The following SYDE2 variants were observed in gnomAD, a reference collection of about 807,000 sequenced individuals.
The protein encoded by SYDE2 is synapse defective Rho GTPase homolog 2, also known as rho GTPase-activating protein SYDE2.
Under a neutral mutation model 91.5 loss-of-function variants are expected in SYDE2, and 76 were observed. The ratio of observed to expected loss-of-function variants is 0.83; its 90% confidence interval spans 0.69 to 1.01. SYDE2 has a LOEUF of 1.01. Among genes scored for constraint, SYDE2 ranks in the 50% least tolerant of loss-of-function variants. The pLI is 0.00. For missense variants in SYDE2, 1,364 were observed against 1,367.7 expected (o/e 1.00, Z 0.04); for synonymous variants, 513 against 506.4 (o/e 1.01, Z -0.18).
chr1:85,180,275 T>A (rs1657861202), intron 3 of SYDE2, among the ~76,000 whole-genome samples: 1 of 152,032 alleles, frequency 6.6e-6, no homozygotes, highest in African/African-American at 2.4e-5. Context: ...AAACAAAATT[T>A]AAGCAGTATG....
intron 4 of SYDE2, among the ~76,000 whole-genome samples, chr1:85,173,632 C>T (rs569866037): frequency 1.4e-4 from 21 of 152,184 alleles, no homozygotes; most frequent in African/African-American, 3.9e-4. Flanking sequence ...TTGCAAGTAA[C>T]GTACTTGCAT....
Position 85,158,551 on chromosome 1 carries a change from A to G in SYDE2, c.*199T>C, listed in dbSNP as rs925684807. On this transcript the variant is annotated 3_prime_UTR_variant, in exon 7 of 7. Transcript: ENST00000341460. ...ATCCCAAGAAGTCCAAGTTTTATTG[A>G]TCCCCAGAAAAGTTTTCTAGTGAGA... 1 of 473,144 alleles carries G rather than the reference A, an allele frequency of 2.1e-6. No homozygotes were observed. The highest frequency in any genetic ancestry group is 2.0e-5 in the African/African-American group (1 of 48,848). The allele number at this position is 473,144 out of a possible 1,614,324, so 29.3% of individuals were successfully genotyped here.
rs774676939 is a variant in SYDE2, at chr1:85,182,307, C to T, written c.2335G>A (p.Ala779Thr). The T allele has an allele frequency of 1.2e-6, 2 of 1,613,662 alleles. No individual in the cohort carries two copies. The highest frequency in any genetic ancestry group is 2.7e-5 in the African/African-American group (2 of 74,916). The change falls in exon 3 of 7, where the codon GCT (alanine) becomes ACT (threonine). Residue 779 changes from alanine to threonine, a missense_variant. Transcript: ENST00000341460. ...LFRVTKTHQLAVKLEPRGLIY... is the reference protein window; with the variant it reads ...LFRVTKTHQLTVKLEPRGLIY... ...AGACCTCTAGGTTCAAGTTTGACAG[C>T]CAACTGATGAGTCTTTGTCACTCTA... is the stretch of plus-strand genomic sequence containing the variant.
In SYDE2 at chr1:85,190,612, G is replaced by T. The variant is rs968294444; in HGVS notation, c.886C>A (p.Leu296Met). 6.2e-7 allele frequency: 1 copy of T among 1,613,818 alleles called. No individual in the cohort carries two copies. Among genetic ancestry groups the T allele is most frequent in the Non-Finnish European group, 8.5e-7 (1 of 1,179,888 alleles). ...KKRNWLYQSTLRPLNLEEENK... is the reference protein window; with the variant it reads ...KKRNWLYQSTMRPLNLEEENK... ...TCTTCTTCCAGATTAAGAGGCCTCA[G>T]AGTACTCTGATATAGCCAATTGCGT... Residue 296 changes from leucine (L) to methionine (M), a missense_variant, in exon 2 of 7, where the codon CTG (leucine) becomes ATG (methionine). Leu to Met is a conservative substitution (Grantham distance 15). Transcript: ENST00000341460.
rs41289745 is a variant in SYDE2, at chr1:85,182,222, A to G, written c.2420T>C (p.Ile807Thr). ...TCCAAATATTATTGGTTCTTGGTTT[A>G]TATCTAGTCCATGAAGAGAATTCTC... ...QWENSLHGLD[I>T]NQEPIIFGVD... The change falls in exon 3 of 7, where the codon ATA becomes ACA. Residue 807 changes from isoleucine to threonine, a missense_variant. Physicochemically the swap from Ile to Thr is moderately conservative, Grantham distance 89 (BLOSUM62 -1). Transcript: ENST00000341460. The G allele has an allele frequency of 3.6e-3, 5,868 of 1,610,062 alleles. 20 individuals carry two copies. The highest frequency in any genetic ancestry group is 4.6e-3 in the Non-Finnish European group (5,387 of 1,178,424).
At chr1:85,155,062 G>GA (rs150467183), downstream of SYDE2, among the ~76,000 whole-genome samples, 10,470 of 116,262 alleles carry the variant, frequency 0.09, 436 homozygotes, top group Middle Eastern at 0.14. Context: ...AGAAAAGAAA[G>GA]AAAAAAAAAA....
At chr1:85,191,030 C>T (rs1658346082) in intron 1 of SYDE2, among the ~76,000 whole-genome samples, 1 of 151,780 alleles carries the variant, frequency 6.6e-6, no homozygotes, top group African/African-American at 2.4e-5. Context: ...GCTAACAAAG[C>T]CTTACCCTAA....
intron 1 of SYDE2, chr1:85,200,042 G>C: frequency 1.5e-6 from 1 of 653,352 alleles, no homozygotes; most frequent in Non-Finnish European, 1.9e-6. Context: ...GCCATTGTCT[G>C]ATTAAAAAGA....
At chr1:85,166,285 G>A (rs571321974) in intron 5 of SYDE2, among the ~76,000 whole-genome samples, 1 of 150,992 alleles carries the variant, frequency 6.6e-6, no homozygotes, top group East Asian at 2.0e-4. Context: ...GTTTCAGTGA[G>A]CCAAGATTGT....
intron 1 of SYDE2, among the ~76,000 whole-genome samples, chr1:85,196,478 T>C (rs1421583622): frequency 6.6e-6 from 1 of 152,152 alleles, no homozygotes; most frequent in Non-Finnish European, 1.5e-5. Context: ...CAGCATTTCT[T>C]GGGAGCCACT....
intron 1 of SYDE2, among the ~76,000 whole-genome samples, chr1:85,191,405 C>T (rs1658358929): frequency 6.6e-6 from 1 of 151,946 alleles, no homozygotes; most frequent in Non-Finnish European, 1.5e-5. Context: ...TTTTTTTGGC[C>T]AGGCACAAAC....
At chr1:85,190,786 ATGGC>A (rs1230356392) in intron 1 of SYDE2, 34 bp from the exon 2 acceptor site, 1 of 1,510,682 alleles carries the variant, frequency 6.6e-7, no homozygotes, top group Non-Finnish European at 8.9e-7. Flanking sequence ...GTAGAATATA[ATGGC>A]TGGTATATCA....
At chr1:85,174,682 T>C (rs182545528) in intron 4 of SYDE2, among the ~76,000 whole-genome samples, 24 of 152,194 alleles carry the variant, frequency 1.6e-4, no homozygotes, top group Middle Eastern at 3.4e-3. Flanking sequence ...CCACCTACTT[T>C]AGTCATACCC....
intron 5 of SYDE2, among the ~76,000 whole-genome samples, chr1:85,167,058 A>C (rs1215457331): frequency 6.6e-6 from 1 of 151,946 alleles, no homozygotes; most frequent in Non-Finnish European, 1.5e-5. Flanking sequence ...AAAACATACA[A>C]AAAAAATTAG....
intron 3 of SYDE2, among the ~76,000 whole-genome samples, chr1:85,178,922 A>G (rs549544845): frequency 3.5e-4 from 53 of 152,160 alleles, no homozygotes; most frequent in African/African-American, 1.3e-3. Flanking sequence ...AAATTTATAT[A>G]AGATGCACAG....
In SYDE2 at chr1:85,190,426, A is replaced by T. The variant is rs771409879; in HGVS notation, c.1072T>A (p.Phe358Ile). The T allele has an allele frequency of 6.2e-7, 1 of 1,613,848 alleles. No homozygotes were observed. Reference protein sequence around the residue: ...SSLSKNCALDFNEENDADDEG... With the variant: ...SSLSKNCALDINEENDADDEG... ...TCATCTGCATCATTTTCCTCATTAA[A>T]ATCTAAAGCACAGTTTTTCGATAAT... Residue 358 changes from phenylalanine to isoleucine, a missense_variant, in exon 2 of 7, where the codon TTT (phenylalanine) becomes ATT (isoleucine). By Grantham distance (21) the Phe-to-Ile change is conservative (BLOSUM62 0). Transcript: ENST00000341460.
At position 85,201,016 on chromosome 1, in the gene SYDE2, T is replaced by C. The variant is rs924840533; in HGVS notation, c.-20A>G. 1.3e-5 allele frequency: 16 copies of C among 1,266,870 alleles called. No individual in the cohort carries two copies. In the South Asian group the frequency reaches 2.6e-4, roughly 20 times the overall value. 78.5% of individuals were successfully genotyped at this position (1,266,870 alleles called of 1,614,324 possible). A position where few individuals can be genotyped will look rare whatever the true frequency, so the allele number is the denominator to read the frequency against. On this transcript the variant is annotated 5_prime_UTR_variant, in exon 1 of 7. Transcript: ENST00000341460. The stretch of plus-strand genomic sequence containing the variant: ...GTGCATGGCCTGGATCAGCAGATAA[T>C]AGGCCTCTCGCAACTGGGTCCGCAG...
chr1:85,176,040 C>A (rs560187824), intron 4 of SYDE2, among the ~76,000 whole-genome samples: 34 of 152,100 alleles, frequency 2.2e-4, no homozygotes, highest in Middle Eastern at 3.4e-3. Flanking sequence ...TGCCAATTTC[C>A]AAAACTAGGA....
chr1:85,187,516 G>C (rs61769449), intron 2 of SYDE2, among the ~76,000 whole-genome samples: 2 of 150,904 alleles, frequency 1.3e-5, no homozygotes, highest in Non-Finnish European at 3.0e-5. Flanking sequence ...CCATTACTGG[G>C]TATATACCCA....
Sources: gnomAD v4.1 joint callset for allele counts (sites outside exome capture counted in the v4.1 genomes callset) on GRCh38, gnomAD v4.1.1 for gene constraint, MANE v1.5 for transcripts, NCBI Gene and HGNC (gene_info 2026-07-23, HGNC 2026-07-21) for gene names.